The following TAOK1 variants were observed in gnomAD, a reference collection of about 807,000 sequenced individuals.
TAOK1 encodes TAO kinase 1.
A neutral mutation model predicts 138.3 loss-of-function variants in TAOK1; 21 were observed. That is an observed-to-expected ratio of 0.15 (90% CI 0.11 to 0.22). The LOEUF is 0.22. Ranked by LOEUF, TAOK1 falls within the 10% of genes least tolerant of loss-of-function variation. The pLI is 1.00. For synonymous variants in TAOK1, 361 were observed against 398.4 expected (o/e 0.91, Z 1.12); for missense variants, 651 against 1,227.7 (o/e 0.53, Z 7.02).
chr17:29,487,210 C>A (rs931776631), intron 8 of TAOK1, among the ~76,000 whole-genome samples: 1 of 132,442 alleles, frequency 7.6e-6, no homozygotes, highest in Non-Finnish European at 1.5e-5. Flanking sequence ...TGTGCCATTG[C>A]ACTCCAGCCT....
intron 15 of TAOK1, chr17:29,512,424 G>C (rs2031738920): frequency 6.6e-6 from 1 of 151,888 alleles, no homozygotes; most frequent in African/African-American, 2.4e-5. Context: ...CTGTTGCCCA[G>C]GCTGGGGTGC....
At chr17:29,496,579 CTTTTTTTTTTTTTT>C (rs748595265) in intron 11 of TAOK1, among the ~76,000 whole-genome samples, 2 of 87,858 alleles carry the variant, frequency 2.3e-5, no homozygotes, top group African/African-American at 9.3e-5. Context: ...CCATCTACAC[CTTTTTTTTTTTTTT>C]TTTTTTTTTT....
chr17:29,518,911 C>A (rs570424202), intron 16 of TAOK1, among the ~76,000 whole-genome samples: 173 of 152,130 alleles, frequency 1.1e-3, no homozygotes, highest in African/African-American at 4.0e-3. Context: ...GGACTACAGG[C>A]GTGCATCACC....
chr17:29,408,791 C>A (rs565836664), intron 1 of TAOK1, among the ~76,000 whole-genome samples: 1 of 152,042 alleles, frequency 6.6e-6, no homozygotes, highest in East Asian at 1.9e-4. Flanking sequence ...TCGCTCACTG[C>A]AACCTCCACC....
chr17:29,521,835 G>A (rs1192831790), intron 16 of TAOK1, among the ~76,000 whole-genome samples: 1 of 152,202 alleles, frequency 6.6e-6, no homozygotes, highest in Non-Finnish European at 1.5e-5. Context: ...ACCCGCCTCG[G>A]CCTCCCAAAG....
intron 18 of TAOK1, among the ~76,000 whole-genome samples, chr17:29,533,273 T>C (rs1194960677): frequency 3.9e-5 from 5 of 129,290 alleles, no homozygotes; most frequent in African/African-American, 5.9e-5. Flanking sequence ...CCTCACTTCC[T>C]AGATGGGATG....
chr17:29,450,820 C>G (rs180872048), intron 1 of TAOK1, among the ~76,000 whole-genome samples: 1 of 152,118 alleles, frequency 6.6e-6, no homozygotes, highest in Non-Finnish European at 1.5e-5. Flanking sequence ...CTGGCTATGA[C>G]AGCCAGTATT....
In TAOK1 at chr17:29,550,311, G is replaced by A. The variant is rs903643958; in HGVS notation, c.*7289G>A. 11 of 152,084 alleles carry A rather than the reference G, an allele frequency of 7.2e-5. No individual in the cohort carries two copies. The highest frequency in any genetic ancestry group is 3.9e-4 in the Admixed American group (6 of 15,280). 9.4% of individuals were successfully genotyped at this position (152,084 alleles called of 1,614,324 possible). ...AAAGTATAGTGCACATAACTTCCCCGGACTGTTCCAATCTGATAATTTGTA... is the reference window on the plus strand; with the variant it reads ...AAAGTATAGTGCACATAACTTCCCCAGACTGTTCCAATCTGATAATTTGTA... On this transcript the variant is annotated 3_prime_UTR_variant, in exon 20 of 20. Transcript: ENST00000261716.
intron 18 of TAOK1, among the ~76,000 whole-genome samples, chr17:29,531,906 G>T (rs1216499584): frequency 6.6e-6 from 1 of 150,492 alleles, no homozygotes; most frequent in Non-Finnish European, 1.5e-5. Flanking sequence ...TGTCACCCAG[G>T]CTGGAGTGCA....
intron 1 of TAOK1, among the ~76,000 whole-genome samples, chr17:29,440,051 A>G (rs988412615): frequency 6.6e-6 from 1 of 152,110 alleles, no homozygotes. Context: ...AAATCTTTCT[A>G]CTTTGCAAAG....
chr17:29,396,395 T>G (rs1904600702), intron 1 of TAOK1, among the ~76,000 whole-genome samples: 1 of 152,190 alleles, frequency 6.6e-6, no homozygotes, highest in Non-Finnish European at 1.5e-5. Flanking sequence ...TATAAATTAT[T>G]AAGTGCCTTG....
At chr17:29,395,646 CTTTTTTTT>C (rs10591199) in intron 1 of TAOK1, among the ~76,000 whole-genome samples, 229 of 129,772 alleles carry the variant, frequency 1.8e-3, no homozygotes, top group Middle Eastern at 8.1e-3. Context: ...GGTATGTGTA[CTTTTTTTT>C]TTTTTTTTTT....
chr17:29,516,832 T>TTTTTG (rs1432947809), intron 15 of TAOK1, among the ~76,000 whole-genome samples: 1 of 151,522 alleles, frequency 6.6e-6, no homozygotes, highest in African/African-American at 2.4e-5. Flanking sequence ...GTTGTTGGTT[T>TTTTTG]TTTTGTTTTG....
intron 2 of TAOK1, among the ~76,000 whole-genome samples, chr17:29,460,104 A>G (rs1178542272): frequency 2.6e-5 from 4 of 152,232 alleles, no homozygotes; most frequent in Non-Finnish European, 5.9e-5. Flanking sequence ...TATTAAAGAG[A>G]CAAAGACCCA....
chr17:29,399,706 T>C (rs187926769), intron 1 of TAOK1, among the ~76,000 whole-genome samples: 1 of 152,264 alleles, frequency 6.6e-6, no homozygotes, highest in Admixed American at 6.5e-5. Context: ...GCACCTATAA[T>C]GGACTACTGT....
intron 1 of TAOK1, among the ~76,000 whole-genome samples, chr17:29,430,858 G>T (rs1905805485): frequency 6.6e-6 from 1 of 152,142 alleles, no homozygotes; most frequent in South Asian, 2.1e-4. Flanking sequence ...GTTCTGTCTA[G>T]TGGAAGGAGG....
chr17:29,467,657 G>A (rs2030704551), intron 3 of TAOK1, among the ~76,000 whole-genome samples: 1 of 151,942 alleles, frequency 6.6e-6, no homozygotes, highest in African/African-American at 2.4e-5. Context: ...GTGTTAACAG[G>A]TGAAGTATAC....
At chr17:29,525,024 A>AC (rs2150768958) in intron 17 of TAOK1, among the ~76,000 whole-genome samples, 1 of 152,266 alleles carries the variant, frequency 6.6e-6, no homozygotes, top group Non-Finnish European at 1.5e-5. Context: ...GTTAAAGAAA[A>AC]ATTTTTCAAA....
chr17:29,502,800 A>G, intron 13 of TAOK1, 77 bp downstream of exon 13: 1 of 1,476,100 alleles, frequency 6.8e-7, no homozygotes, highest in Non-Finnish European at 9.1e-7. Flanking sequence ...GTATAGCTAT[A>G]TATTGTTTTG....
Sources: gnomAD v4.1 joint callset for allele counts (sites outside exome capture counted in the v4.1 genomes callset) on GRCh38, gnomAD v4.1.1 for gene constraint, MANE v1.5 for transcripts, NCBI Gene and HGNC (gene_info 2026-07-23, HGNC 2026-07-21) for gene names.